The following MYO5C variants were observed in gnomAD, a reference collection of about 807,000 sequenced individuals.
MYO5C encodes the protein myosin VC.
A neutral mutation model predicts 235.7 loss-of-function variants in MYO5C; 194 were observed. The observed-to-expected ratio is 0.82, with a 90% confidence interval of 0.73 to 0.93. The LOEUF (loss-of-function observed/expected upper bound fraction) is 0.93, where lower values mean the gene tolerates loss of function less well. Among genes scored for constraint, MYO5C ranks in the 40% least tolerant of loss-of-function variants. The pLI is 0.00. For missense variants in MYO5C, 2,038 were observed against 2,127.2 expected, an observed-to-expected ratio of 0.96 and a Z score of 0.82; for synonymous variants, 707 against 754.8, an observed-to-expected ratio of 0.94 and a Z score of 1.04.
chr15:52,215,116 G>A (rs1050767138), intron 32 of MYO5C, among the ~76,000 whole-genome samples: 4 of 152,078 alleles, frequency 2.6e-5, no homozygotes, highest in Non-Finnish European at 4.4e-5. Context: ...TCATATATTC[G>A]TATGGCTGAA....
chr15:52,295,654 G>A lies in MYO5C; in HGVS notation c.-18C>T. On this transcript the variant is annotated 5_prime_UTR_variant, in exon 1 of 41. Coordinates refer to ENST00000261839, the MANE Select transcript of MYO5C (RefSeq NM_018728.4). ...ACCGCCATGGGCAGGAGGGGCCGGG[G>A]CCAGGCCGGGGCTGCCGAACGTGCG... is the stretch of plus-strand genomic sequence containing the variant. The A allele has an allele frequency of 6.9e-7, 1 of 1,449,662 alleles. No homozygotes were observed. The highest frequency in any genetic ancestry group is 9.1e-7 in the Non-Finnish European group (1 of 1,104,088). 89.8% of individuals were successfully genotyped at this position (1,449,662 alleles called of 1,614,324 possible).
chr15:52,229,402 A>C, intron 24 of MYO5C, 89 bp from the exon 25 acceptor site: 1 of 1,262,514 alleles, frequency 7.9e-7, no homozygotes, highest in South Asian at 1.4e-5. Context: ...AGGCAGGCGG[A>C]TCCCTTGAGC....
At chr15:52,280,564 T>C (rs979353957) in intron 2 of MYO5C, among the ~76,000 whole-genome samples, 1 of 152,190 alleles carries the variant, frequency 6.6e-6, no homozygotes, top group Non-Finnish European at 1.5e-5. Flanking sequence ...AGCATGCTTG[T>C]TTCTCTTCCA....
chr15:52,281,008 T>C (rs951663193), intron 2 of MYO5C, among the ~76,000 whole-genome samples: 3 of 152,164 alleles, frequency 2.0e-5, no homozygotes, highest in African/African-American at 7.2e-5. Context: ...AATGCAATTG[T>C]ATTGTGACCT....
chr15:52,219,269 G>C (rs1272575988), intron 31 of MYO5C, among the ~76,000 whole-genome samples: 1 of 152,188 alleles, frequency 6.6e-6, no homozygotes, highest in Non-Finnish European at 1.5e-5. Context: ...GCCAGGGCAC[G>C]AGGCCCTTTA....
intron 25 of MYO5C, among the ~76,000 whole-genome samples, chr15:52,226,746 T>C (rs1055984970): frequency 2.0e-5 from 3 of 152,210 alleles, no homozygotes; most frequent in African/African-American, 4.8e-5. Context: ...AGGCCATGCT[T>C]TTCTTTGTAA....
At chr15:52,241,090 G>A (rs1428666211) in intron 20 of MYO5C, among the ~76,000 whole-genome samples, 1 of 152,108 alleles carries the variant, frequency 6.6e-6, no homozygotes, top group Non-Finnish European at 1.5e-5. Context: ...ATCTCATTGT[G>A]CTTTGTATTA....
In MYO5C at chr15:52,245,378, C is replaced by T; in HGVS notation, c.2154G>A (p.Lys718=). Residue 718 remains lysine (K), a synonymous_variant, in exon 18 of 41, where the codon AAG becomes AAA. Coordinates refer to ENST00000261839, the MANE Select transcript of MYO5C (RefSeq NM_018728.4). ...CCTGGATGAGTCTGTGTAAAACCAC[C>T]TTGCACACCTCCTTTTTATCGCTGA... The part of the protein sequence containing the change: ...LSFSDKKEVC[K]VVLHRLIQDS... 6.2e-7 allele frequency: 1 copy of T among 1,614,092 alleles called. No homozygotes were observed. Among genetic ancestry groups the T allele is most frequent in the South Asian group, 1.1e-5 (1 of 91,082 alleles).
chr15:52,287,863 C>T (rs1009198962), intron 1 of MYO5C, among the ~76,000 whole-genome samples: 1 of 152,090 alleles, frequency 6.6e-6, no homozygotes, highest in African/African-American at 2.4e-5. Flanking sequence ...CTAACCCCAG[C>T]TACTTGGGAG....
intron 8 of MYO5C, among the ~76,000 whole-genome samples, chr15:52,268,176 T>C (rs11637680): frequency 0.96 from 146,090 of 152,228 alleles, 70,396 homozygotes; most frequent in East Asian, 1. Flanking sequence ...AAACTCTTAG[T>C]TTTTTACATT....
chr15:52,208,166 C>T (rs537631556), intron 36 of MYO5C, among the ~76,000 whole-genome samples: 2 of 152,238 alleles, frequency 1.3e-5, no homozygotes, highest in South Asian at 4.1e-4. Flanking sequence ...GAAGCAGAGT[C>T]GGAATGGCAA....
At chr15:52,237,864 A>C (rs887171412) in intron 21 of MYO5C, among the ~76,000 whole-genome samples, 10 of 152,050 alleles carry the variant, frequency 6.6e-5, no homozygotes, top group African/African-American at 2.2e-4. Flanking sequence ...GGCTATTTTA[A>C]TGTGGGAAGT....
At chr15:52,227,309 C>G (rs2035850546) in intron 25 of MYO5C, among the ~76,000 whole-genome samples, 1 of 150,006 alleles carries the variant, frequency 6.7e-6, no homozygotes, top group Non-Finnish European at 1.5e-5. Context: ...ACCCTCCTGC[C>G]TCAGCCTCCC....
Position 52,213,233 on chromosome 15 carries a change from A to G in MYO5C, c.4096T>C (p.Tyr1366His). 3 of 1,614,158 alleles carry G rather than the reference A, an allele frequency of 1.9e-6. No homozygotes were observed. The highest frequency in any genetic ancestry group is 2.5e-6 in the Non-Finnish European group (3 of 1,179,996). ...AGCTTGGCCTCGTCTTCTCTCTTGT[A>G]TTGCAGCATTCCAAGGTACTCCTTG... is the stretch of plus-strand genomic sequence containing the variant. Reference protein sequence around the residue: ...GPKEYLGMLQYKREDEAKLIQ... With the variant: ...GPKEYLGMLQHKREDEAKLIQ... The change falls in exon 34 of 41, where the codon TAC becomes CAC. Residue 1366 changes from tyrosine to histidine, a missense_variant. Transcript: ENST00000261839.
chr15:52,231,910 C>T (rs1052002447), intron 24 of MYO5C, among the ~76,000 whole-genome samples: 26 of 152,130 alleles, frequency 1.7e-4, no homozygotes, highest in Non-Finnish European at 2.1e-4. Context: ...AGGTCAGGCA[C>T]CTGCCTTAAT....
At position 52,232,648 on chromosome 15, in the gene MYO5C, A is replaced by G; in HGVS notation, c.3000T>C (p.Asp1000=). 2 of 1,613,906 alleles carry G rather than the reference A, an allele frequency of 1.2e-6. No individual in the cohort carries two copies. Among genetic ancestry groups the G allele is most frequent in the Non-Finnish European group, 1.7e-6 (2 of 1,179,976 alleles). Reference sequence around the variant, plus strand: ...TTCTTTGCCGTTCTTCCTTTTGTACATCATCAAAGAGCTGCTTGGTGAGGT... The same window carrying G: ...TTCTTTGCCGTTCTTCCTTTTGTACGTCATCAAAGAGCTGCTTGGTGAGGT... ...MDNLTKQLFD[D]VQKEERQRML... is the part of the protein sequence containing the mutation. Residue 1000 remains aspartate (D), a synonymous_variant, in exon 24 of 41, where the codon GAT becomes GAC. Transcript: ENST00000261839.
chr15:52,227,226 A>C (rs1596162215), intron 25 of MYO5C, among the ~76,000 whole-genome samples: 4 of 120,812 alleles, frequency 3.3e-5, no homozygotes, highest in Admixed American at 9.9e-5. Flanking sequence ...ACGGAGTCTC[A>C]CTCTGTCACC....
At chr15:52,248,527 G>A (rs2036402025) in intron 14 of MYO5C, among the ~76,000 whole-genome samples, 173 bp downstream of exon 14, 1 of 152,068 alleles carries the variant, frequency 6.6e-6, no homozygotes, top group South Asian at 2.1e-4. Context: ...ATATAGTAGA[G>A]ATTTACAGTA....
At chr15:52,285,365 T>A (rs769335834) in intron 1 of MYO5C, among the ~76,000 whole-genome samples, 1 of 142,388 alleles carries the variant, frequency 7.0e-6, no homozygotes, top group African/African-American at 2.8e-5. Context: ...TGAAACTCTG[T>A]CTCAAATGAA....
Sources: allele counts gnomAD v4.1 joint callset (sites outside exome capture counted in the v4.1 genomes callset), GRCh38; gene constraint gnomAD v4.1.1; transcripts MANE v1.5; gene names NCBI Gene and HGNC (gene_info 2026-07-23, HGNC 2026-07-21).